The following MAP2 variants were observed in gnomAD, a reference collection of about 807,000 sequenced individuals.
MAP2 encodes microtubule-associated protein 2.
Under a neutral mutation model 137.6 loss-of-function variants are expected in MAP2, and 14 were observed. That is an observed-to-expected ratio of 0.10 (90% confidence interval 0.07 to 0.16). The LOEUF is 0.16. MAP2 is among the 10% of genes least tolerant of loss of function. The probability of loss-of-function intolerance (pLI) is 1.00; values close to 1 mark genes in which losing one functional copy is unlikely to be tolerated. For missense variants in MAP2, 2,088 were observed against 2,191.5 expected (o/e 0.95, Z 0.94); for synonymous variants, 786 against 782.3 (o/e 1.00, Z -0.08).
At chr2:209,472,955 A>G in intron 1 of MAP2, among the ~76,000 whole-genome samples, 1 of 152,286 alleles carries the variant, frequency 6.6e-6, no homozygotes, top group East Asian at 1.9e-4. Context: ...GATTACTGTT[A>G]TGTATATATT....
intron 13 of MAP2, among the ~76,000 whole-genome samples, chr2:209,722,800 T>C (rs1379790193): frequency 6.6e-6 from 1 of 152,202 alleles, no homozygotes; most frequent in Non-Finnish European, 1.5e-5. Context: ...ATAAAACACC[T>C]AACCTCAAAT....
At chr2:209,451,411 G>T (rs1395852781) in intron 1 of MAP2, among the ~76,000 whole-genome samples, 2 of 152,124 alleles carry the variant, frequency 1.3e-5, no homozygotes, top group African/African-American at 4.8e-5. Context: ...TTCCCTCCAT[G>T]CCCTGCTGCT....
chr2:209,585,586 TG>T (rs1187705619), intron 3 of MAP2, among the ~76,000 whole-genome samples: 1 of 152,164 alleles, frequency 6.6e-6, no homozygotes, highest in African/African-American at 2.4e-5. Context: ...TTTTGAATTC[TG>T]CCTTTTTTCA....
At chr2:209,512,950 T>C (rs1372584040) in intron 2 of MAP2, among the ~76,000 whole-genome samples, 1 of 152,158 alleles carries the variant, frequency 6.6e-6, no homozygotes, top group East Asian at 1.9e-4. Flanking sequence ...CGCAGTCCAA[T>C]TTATAGAATT....
intron 7 of MAP2, among the ~76,000 whole-genome samples, chr2:209,682,282 G>C (rs2054951105): frequency 6.6e-6 from 1 of 152,134 alleles, no homozygotes; most frequent in African/African-American, 2.4e-5. Context: ...CTTGAGGTCA[G>C]GAGTTCAAGA....
At chr2:209,613,403 C>T (rs1353626933) in intron 3 of MAP2, among the ~76,000 whole-genome samples, 3 of 152,054 alleles carry the variant, frequency 2.0e-5, no homozygotes, top group African/African-American at 4.8e-5. Context: ...CAAAAGAAAA[C>T]AAAACTCACT....
rs1337751217 is a variant in MAP2, at chr2:209,512,019, C to A, written c.-172+4378C>A. On this transcript the variant is annotated intron_variant, in intron 2 of 15. Transcript: ENST00000682079. ...TCCTAATTCTAATCTTTTCCTCTGG[C>A]TTAACCTCTGATGCCCTCTATACTT... Among the ~76,000 whole-genome samples, 8 of 152,222 alleles carry A rather than the reference C, an allele frequency of 5.3e-5. No individual in the cohort carries two copies. The South Asian group carries it at 1.7e-3, about 32-fold the overall frequency.
chr2:209,454,286 G>A (rs1243232315), intron 1 of MAP2, among the ~76,000 whole-genome samples: 1 of 151,828 alleles, frequency 6.6e-6, no homozygotes, highest in Non-Finnish European at 1.5e-5. Flanking sequence ...AGGCAGGATT[G>A]TTCAACCACA....
intron 1 of MAP2, among the ~76,000 whole-genome samples, chr2:209,450,096 C>T (rs973126442): frequency 2.6e-5 from 4 of 152,236 alleles, no homozygotes; most frequent in African/African-American, 9.6e-5. Context: ...CATGTACCAC[C>T]ACGGCCAGCA....
chr2:209,520,563 A>G (rs943231229), intron 2 of MAP2, among the ~76,000 whole-genome samples: 4 of 151,986 alleles, frequency 2.6e-5, no homozygotes, highest in African/African-American at 9.7e-5. Flanking sequence ...CAGAAATATT[A>G]TTTCATATTA....
intron 3 of MAP2, among the ~76,000 whole-genome samples, chr2:209,622,039 A>G (rs2153522832): frequency 6.6e-6 from 1 of 152,316 alleles, no homozygotes; most frequent in East Asian, 1.9e-4. Context: ...ACTCTTAAAT[A>G]TAATTGTTAA....
At chr2:209,506,051 CAGTT>C (rs1335302447) in intron 1 of MAP2, among the ~76,000 whole-genome samples, 4 of 151,984 alleles carry the variant, frequency 2.6e-5, no homozygotes, top group African/African-American at 9.7e-5. Flanking sequence ...ACCACCATGA[CAGTT>C]AGAGAGTTGT....
chr2:209,564,788 T>C (rs1033227635), intron 2 of MAP2, among the ~76,000 whole-genome samples: 2 of 152,162 alleles, frequency 1.3e-5, no homozygotes, highest in African/African-American at 4.8e-5. Flanking sequence ...TTTTTCATGC[T>C]TTACGTTATT....
intron 4 of MAP2, among the ~76,000 whole-genome samples, chr2:209,650,841 A>T (rs1309379135): frequency 6.6e-6 from 1 of 152,210 alleles, no homozygotes; most frequent in African/African-American, 2.4e-5. Flanking sequence ...AAAAAGCTAC[A>T]TCAACAAGGC....
intron 5 of MAP2, among the ~76,000 whole-genome samples, chr2:209,670,952 A>G (rs941748046): frequency 6.6e-6 from 1 of 151,972 alleles, no homozygotes; most frequent in Non-Finnish European, 1.5e-5. Flanking sequence ...TCCATTGTCT[A>G]TAGCAGGTGC....
intron 1 of MAP2, among the ~76,000 whole-genome samples, chr2:209,440,472 A>G (rs1237080943): frequency 1.3e-5 from 2 of 151,594 alleles, no homozygotes; most frequent in Middle Eastern, 3.4e-3. Context: ...TCCTTGAGAA[A>G]GTCATTTGAC....
chr2:209,664,140 G>A (rs1228965040), intron 5 of MAP2, among the ~76,000 whole-genome samples: 1 of 152,154 alleles, frequency 6.6e-6, no homozygotes, highest in Non-Finnish European at 1.5e-5. Flanking sequence ...TCAGTAGGTT[G>A]GAAATGCTTT....
At chr2:209,472,951 T>A (rs1041063050) in intron 1 of MAP2, among the ~76,000 whole-genome samples, 1 of 152,196 alleles carries the variant, frequency 6.6e-6, no homozygotes, top group Non-Finnish European at 1.5e-5. Flanking sequence ...TTCTGATTAC[T>A]GTTATGTATA....
intron 4 of MAP2, among the ~76,000 whole-genome samples, chr2:209,632,657 C>T (rs2093198548): frequency 6.6e-6 from 1 of 152,096 alleles, no homozygotes; most frequent in Non-Finnish European, 1.5e-5. Context: ...CACACATGTC[C>T]CTCTGTGCTC....
Sources: allele counts gnomAD v4.1 joint callset (sites outside exome capture counted in the v4.1 genomes callset), GRCh38; gene constraint gnomAD v4.1.1; transcripts MANE v1.5; gene names NCBI Gene and HGNC (gene_info 2026-07-23, HGNC 2026-07-21).